F8: variants seen among roughly 807,000 people sequenced by gnomAD.
F8 encodes coagulation factor VIII.
In F8, 12 loss-of-function variants were observed where a neutral mutation model predicts 140.6. The observed-to-expected ratio is 0.09, with a 90% CI of 0.05 to 0.14. The LOEUF (loss-of-function observed/expected upper bound fraction) is 0.14. Among genes scored for constraint, F8 ranks in the 10% least tolerant of loss-of-function variants. The pLI is 1.00. For synonymous variants in F8, 585 were observed against 614.6 expected (o/e 0.95, Z 0.71); for missense variants, 1,354 against 1,720.7 (o/e 0.79, Z 3.77).
At chrX:154,912,075 G>T (rs1411166883) in intron 14 of F8, among the ~76,000 whole-genome samples, 1 of 111,809 alleles carries the variant, frequency 8.9e-6, no homozygotes, top group Non-Finnish European at 1.9e-5. Flanking sequence ...ACTTGTTTGA[G>T]TTCCTTATAT....
At chrX:154,937,089 T>G (rs1176243200) in intron 13 of F8, among the ~76,000 whole-genome samples, 1 of 111,384 alleles carries the variant, frequency 9.0e-6, no homozygotes, top group Non-Finnish European at 1.9e-5. Context: ...AAAGGGAAAT[T>G]TATGCTTTGT....
intron 25 of F8, among the ~76,000 whole-genome samples, chrX:154,854,442 G>T (rs376282456): frequency 9.0e-6 from 1 of 111,704 alleles, no homozygotes; most frequent in African/African-American, 3.3e-5. Context: ...CTTTGGGCTC[G>T]AACTAAAACA....
At chrX:154,989,119 T>C (rs1167020616) in intron 4 of F8, among the ~76,000 whole-genome samples, 2 of 112,040 alleles carry the variant, frequency 1.8e-5, no homozygotes, top group African/African-American at 3.2e-5. Flanking sequence ...AGGTGGAGGA[T>C]GGAAAAATGG....
At chrX:154,840,287 A>G (rs1211781765) in intron 25 of F8, among the ~76,000 whole-genome samples, 6 of 112,303 alleles carry the variant, frequency 5.3e-5, no homozygotes, top group African/African-American at 1.6e-4. Flanking sequence ...TTTTCCAGTT[A>G]TGATCCATTA....
At chrX:154,916,686 A>AT (rs782217712) in intron 14 of F8, among the ~76,000 whole-genome samples, 4 of 109,551 alleles carry the variant, frequency 3.7e-5, no homozygotes, top group Admixed American at 9.7e-5. Context: ...GTCTTCTCTC[A>AT]TTTTTTTTCC....
Position 154,902,031 on chromosome X carries a change from C to T in F8, c.6115+20G>A. 4 of 1,073,931 alleles carry T rather than the reference C, an allele frequency of 3.7e-6. No individual in the cohort carries two copies. The highest frequency in any genetic ancestry group is 5.2e-6 in the Non-Finnish European group (4 of 769,540). The allele number at this position is 1,073,931 out of a possible 1,213,427, so 88.5% of individuals were successfully genotyped here. ...AGTAGGCTGAGTAGGTAGGGAACCT[C>T]TGCCCACATTGCTACTCACTATTGC... On this transcript the variant is annotated intron_variant, in intron 19 of 25. Transcript: ENST00000360256.
intron 14 of F8, among the ~76,000 whole-genome samples, chrX:154,914,037 C>T (rs1306942043): frequency 8.8e-6 from 1 of 113,317 alleles, no homozygotes; most frequent in African/African-American, 3.2e-5. Flanking sequence ...CCTGGACATC[C>T]AGGCATTTCC....
chrX:154,990,590 G>A (rs1469318237), intron 4 of F8, among the ~76,000 whole-genome samples: 1 of 112,001 alleles, frequency 8.9e-6, no homozygotes. Flanking sequence ...GGAATTCTGT[G>A]GGCGTTAGTT....
chrX:154,973,784 A>G (rs1490748252), intron 6 of F8, among the ~76,000 whole-genome samples: 1 of 111,516 alleles, frequency 9.0e-6, no homozygotes, highest in Non-Finnish European at 1.9e-5. Context: ...AAACAGGGAC[A>G]ATTTGTTTTG....
At position 154,931,766 on chromosome X, in the gene F8, G is replaced by T. The variant is rs2073200234; in HGVS notation, c.2114-90C>A. On this transcript the variant is annotated intron_variant, in intron 13 of 25. Transcript: ENST00000360256. ...GGTTCTCTCCCATTCCCAGATAAAT[G>T]AAAAAATACTAGTCAGTATCATTAT... 6.8e-6 allele frequency: 5 copies of T among 735,346 alleles called. No homozygotes were observed. The South Asian group carries it at 1.2e-4, about 17-fold the overall frequency. 60.6% of individuals were successfully genotyped at this position (735,346 alleles called of 1,213,427 possible).
At chrX:154,974,546 G>T (rs991322728) in intron 6 of F8, among the ~76,000 whole-genome samples, 2 of 111,110 alleles carry the variant, frequency 1.8e-5, no homozygotes, top group Admixed American at 1.9e-4. Context: ...GCCTGTAGTT[G>T]TTTGTTGTTA....
rs782740067 is a variant in F8, at chrX:154,983,022, A to G, written c.787+1665T>C. Reference sequence around the variant, plus strand: ...ATTTGGAGGGAGTCAAAAGTTATACATGGATTTTTGACTGTGCAGGGGGTT... The same window carrying G: ...ATTTGGAGGGAGTCAAAAGTTATACGTGGATTTTTGACTGTGCAGGGGGTT... On this transcript the variant is annotated intron_variant, in intron 6 of 25. Coordinates refer to ENST00000360256, the MANE Select transcript of F8 (RefSeq NM_000132.4). Among the ~76,000 whole-genome samples the G allele has an allele frequency of 8.0e-5, 9 of 112,437 alleles. No homozygotes were observed. The East Asian group carries it at 1.7e-3, about 21-fold the overall frequency.
chrX:154,977,360 G>A (rs2073492682), intron 6 of F8: 1 of 111,830 alleles, frequency 8.9e-6, no homozygotes, highest in South Asian at 3.7e-4. Context: ...ACTTTTACCT[G>A]TGGGTTTTAT....
chrX:154,870,498 C>A (rs1393827110), intron 22 of F8, among the ~76,000 whole-genome samples: 1 of 111,644 alleles, frequency 9.0e-6, no homozygotes, highest in Non-Finnish European at 1.9e-5. Flanking sequence ...ATTCAACACC[C>A]CTTCATGCTA....
chrX:154,940,491 G>C (rs942677731), intron 13 of F8, among the ~76,000 whole-genome samples: 1 of 112,037 alleles, frequency 8.9e-6, no homozygotes, highest in Non-Finnish European at 1.9e-5. Context: ...AACAAACGAA[G>C]CCTCCAAGAA....
At chrX:154,893,873 T>C (rs923653369) in intron 22 of F8, among the ~76,000 whole-genome samples, 2 of 111,753 alleles carry the variant, frequency 1.8e-5, no homozygotes, top group Non-Finnish European at 3.8e-5. Flanking sequence ...AGCTAGATCT[T>C]TTTCTCCCAG....
chrX:154,896,908 CA>C (rs2072985020), intron 21 of F8, among the ~76,000 whole-genome samples: 1 of 112,079 alleles, frequency 8.9e-6, no homozygotes, highest in African/African-American at 3.2e-5. Flanking sequence ...CCATTTGAGT[CA>C]CCTAACTTTC....
chrX:154,987,316 A>G lies in F8; in HGVS notation c.602-11T>C, dbSNP rs782681643. 37 of 1,195,785 alleles carry G rather than the reference A, an allele frequency of 3.1e-5. No homozygotes were observed. The highest frequency in any genetic ancestry group is 4.0e-5 in the Non-Finnish European group (35 of 882,302). On this transcript the variant is annotated splice_polypyrimidine_tract_variant and intron_variant, in intron 4 of 25. Transcript: ENST00000360256. ...CCTTGGCCAGACTCCCTGAAAAAGAAGTGAGAACATTTATCTTCTATTTAA... is the reference window on the plus strand; with the variant it reads ...CCTTGGCCAGACTCCCTGAAAAAGAGGTGAGAACATTTATCTTCTATTTAA...
chrX:154,843,617 C>T (rs1557271482), intron 25 of F8, among the ~76,000 whole-genome samples: 1 of 112,048 alleles, frequency 8.9e-6, no homozygotes, highest in Admixed American at 9.4e-5. Flanking sequence ...CTGTTTATAT[C>T]CTTCACCCAC....
Sources: gnomAD v4.1 joint callset for allele counts (sites outside exome capture counted in the v4.1 genomes callset) on GRCh38, gnomAD v4.1.1 for gene constraint, MANE v1.5 for transcripts, NCBI Gene and HGNC (gene_info 2026-07-23, HGNC 2026-07-21) for gene names.